Variants in POT1 observed in about 807,000 individuals in gnomAD.
POT1 encodes protection of telomeres 1.
POT1 carries 47 observed loss-of-function variants against 78.5 expected under a neutral mutation model. The ratio of observed to expected loss-of-function variants is 0.60; its 90% CI spans 0.47 to 0.76. The LOEUF (loss-of-function observed/expected upper bound fraction) is 0.76, where lower values mean the gene tolerates loss of function less well. POT1 is among the 30% of genes least tolerant of loss of function. The pLI is 0.00. For missense variants in POT1, 646 were observed against 749.9 expected (o/e 0.86, Z 1.62); for synonymous variants, 259 against 260.7 (o/e 0.99, Z 0.06).
chr7:124,862,303 C>T (rs1795617228), intron 8 of POT1, among the ~76,000 whole-genome samples: 1 of 152,050 alleles, frequency 6.6e-6, no homozygotes. Context: ...ATAGAATATG[C>T]CTCAGTGCAT....
intron 6 of POT1, among the ~76,000 whole-genome samples, chr7:124,890,511 T>C (rs1410272845): frequency 6.6e-6 from 1 of 151,920 alleles, no homozygotes; most frequent in Non-Finnish European, 1.5e-5. Flanking sequence ...CAGCATCTCA[T>C]GTTACAAAGA....
chr7:124,828,281 C>T (rs1233953162), intron 16 of POT1, among the ~76,000 whole-genome samples: 7 of 151,866 alleles, frequency 4.6e-5, no homozygotes, highest in Admixed American at 4.6e-4. Flanking sequence ...GTTGAATGGA[C>T]AAGAATGTCA....
At chr7:124,913,684 G>T (rs1444962725) in intron 3 of POT1, among the ~76,000 whole-genome samples, 5 of 152,038 alleles carry the variant, frequency 3.3e-5, no homozygotes, top group African/African-American at 7.2e-5. Flanking sequence ...TCATTCTTTT[G>T]TATGTGGAAA....
At chr7:124,884,191 A>G (rs1292748580) in intron 6 of POT1, among the ~76,000 whole-genome samples, 2 of 152,114 alleles carry the variant, frequency 1.3e-5, no homozygotes, top group Non-Finnish European at 2.9e-5. Context: ...TTACATAACA[A>G]AAAACAGCAT....
At chr7:124,897,342 G>C (rs543961113) in intron 4 of POT1, 130 bp from the exon 5 acceptor site, 1 of 362,544 alleles carries the variant, frequency 2.8e-6, no homozygotes, top group East Asian at 4.1e-5. Context: ...ATAAAGTTAT[G>C]GCTTACAAAT....
At chr7:124,828,936 C>G in intron 16 of POT1, 2 of 596,712 alleles carry the variant, frequency 3.4e-6, no homozygotes, top group Middle Eastern at 2.8e-4. Flanking sequence ...ATTGGCCAAA[C>G]AACATCTGCA....
chr7:124,846,640 C>G (rs1270560063), intron 12 of POT1, among the ~76,000 whole-genome samples: 2 of 151,686 alleles, frequency 1.3e-5, no homozygotes, highest in African/African-American at 4.8e-5. Context: ...TCATGTAACT[C>G]TAACAGAGAT....
intron 3 of POT1, among the ~76,000 whole-genome samples, chr7:124,899,516 A>T (rs761875295): frequency 1.3e-5 from 2 of 152,188 alleles, no homozygotes; most frequent in Non-Finnish European, 2.9e-5. Flanking sequence ...TTAAAAAAAT[A>T]AAATGAACAT....
chr7:124,895,199 A>T (rs10245872), intron 5 of POT1, among the ~76,000 whole-genome samples: 91,004 of 151,372 alleles, frequency 0.6, 27,485 homozygotes, highest in African/African-American at 0.65. Context: ...GAATTTTTAA[A>T]AGCCACACAC....
intron 3 of POT1, among the ~76,000 whole-genome samples, chr7:124,911,174 T>G (rs1030288132): frequency 6.6e-6 from 1 of 152,118 alleles, no homozygotes; most frequent in Admixed American, 6.6e-5. Flanking sequence ...AATAAAGTCT[T>G]GCCTTCAAGA....
intron 5 of POT1, among the ~76,000 whole-genome samples, chr7:124,893,825 A>G (rs1274997701): frequency 1.3e-5 from 2 of 151,546 alleles, no homozygotes; most frequent in African/African-American, 2.4e-5. Flanking sequence ...TACTGCCTTA[A>G]AGACAGCGCA....
chr7:124,880,953 A>G (rs1796103519), intron 6 of POT1, among the ~76,000 whole-genome samples: 2 of 152,008 alleles, frequency 1.3e-5, no homozygotes, highest in Non-Finnish European at 2.9e-5. Flanking sequence ...TACTTGCTAC[A>G]ATGCAAGCTC....
rs996060478 is a variant in POT1, at chr7:124,854,115, T to A, written c.703-977A>T. On this transcript the variant is annotated intron_variant, in intron 9 of 18. Coordinates refer to ENST00000357628, the MANE Select transcript of POT1 (RefSeq NM_015450.3). ...AACTATATAGGTTAAATATTCTTTATCTGAAATACTTGAAAACAGAAGTGT... is the reference window on the plus strand; with the variant it reads ...AACTATATAGGTTAAATATTCTTTAACTGAAATACTTGAAAACAGAAGTGT... Among the ~76,000 whole-genome samples the A allele has an allele frequency of 3.3e-5, 5 of 152,046 alleles. No individual in the cohort carries two copies. The East Asian group carries it at 7.7e-4, about 23-fold the overall frequency.
chr7:124,836,621 A>T (rs1269113108), intron 14 of POT1, among the ~76,000 whole-genome samples: 1 of 152,164 alleles, frequency 6.6e-6, no homozygotes, highest in Non-Finnish European at 1.5e-5. Flanking sequence ...GTGAGAGCTC[A>T]TCTAGTCATT....
At chr7:124,841,788 A>C (rs1435533840) in intron 13 of POT1, among the ~76,000 whole-genome samples, 1 of 151,948 alleles carries the variant, frequency 6.6e-6, no homozygotes, top group Non-Finnish European at 1.5e-5. Context: ...TTGTTTAAAA[A>C]ATGATCGCGG....
At chr7:124,911,312 C>A (rs141427237) in intron 3 of POT1, among the ~76,000 whole-genome samples, 1 of 152,042 alleles carries the variant, frequency 6.6e-6, no homozygotes, top group Admixed American at 6.6e-5. Context: ...TATCTGACAT[C>A]GCCTCAAGCA....
intron 3 of POT1, among the ~76,000 whole-genome samples, chr7:124,913,300 C>T (rs1796935785): frequency 6.6e-6 from 1 of 152,098 alleles, no homozygotes; most frequent in African/African-American, 2.4e-5. Context: ...TAAATCAAAT[C>T]ACCTATTTTT....
chr7:124,876,877 C>A (rs532131915), intron 6 of POT1, among the ~76,000 whole-genome samples: 11 of 152,124 alleles, frequency 7.2e-5, no homozygotes, highest in African/African-American at 2.6e-4. Flanking sequence ...AATTCTGTAC[C>A]CCAGGCAAAA....
Position 124,860,140 on chromosome 7 carries a change from C to T in POT1, c.547-1028G>A, listed in dbSNP as rs183360594. Among the ~76,000 whole-genome samples, 764 of 151,042 alleles carry T rather than the reference C, an allele frequency of 5.1e-3. 9 individuals carry two copies. The highest frequency in any genetic ancestry group is 0.017 in the African/African-American group (695 of 41,224). On this transcript the variant is annotated intron_variant, in intron 8 of 18. Coordinates refer to ENST00000357628, the MANE Select transcript of POT1 (RefSeq NM_015450.3). Reference sequence around the variant, plus strand: ...TCTGATACATAAGAAAATCACTGTCCGGAAAAAAAAAATCACTCATATTTC... The same window carrying T: ...TCTGATACATAAGAAAATCACTGTCTGGAAAAAAAAAATCACTCATATTTC...
Sources: allele counts gnomAD v4.1 joint callset (sites outside exome capture counted in the v4.1 genomes callset), GRCh38; gene constraint gnomAD v4.1.1; transcripts MANE v1.5; gene names NCBI Gene and HGNC (gene_info 2026-07-23, HGNC 2026-07-21).